Variants in CFAP91 observed in about 807,000 individuals in gnomAD.
The protein encoded by CFAP91 is cilia and flagella associated protein 91, also known as cilia- and flagella-associated protein 91.
A neutral mutation model predicts 95.9 loss-of-function variants in CFAP91; 85 were observed. The observed-to-expected ratio is 0.89, with a 90% CI of 0.74 to 1.06. The LOEUF is 1.06. Ranked by LOEUF, CFAP91 falls within the 50% of genes least tolerant of loss-of-function variation. CFAP91 has a pLI of 0.00. For missense variants in CFAP91, 962 were observed against 943.4 expected (o/e 1.02, Z -0.26); for synonymous variants, 335 against 327.5 (o/e 1.02, Z -0.25).
intron 17 of CFAP91, among the ~76,000 whole-genome samples, chr3:119,761,638 T>A (rs750684858): frequency 1.3e-5 from 2 of 151,822 alleles, no homozygotes; most frequent in Non-Finnish European, 3.0e-5. Context: ...GATCTTTCAC[T>A]ATGATCAAGT....
chr3:119,744,298 T>TACAG, intron 14 of CFAP91, 102 bp downstream of exon 14: 1 of 896,606 alleles, frequency 1.1e-6, no homozygotes, highest in Non-Finnish European at 1.7e-6. Context: ...TGTTTATGCA[T>TACAG]TGAGTTCCTA....
intron 17 of CFAP91, among the ~76,000 whole-genome samples, chr3:119,755,691 G>T (rs537249895): frequency 1.3e-5 from 2 of 152,216 alleles, no homozygotes; most frequent in Admixed American, 1.3e-4. Flanking sequence ...ATGGTATTTT[G>T]TTATGACAGC....
chr3:119,713,607 G>GT (rs1233466199), intron 5 of CFAP91, among the ~76,000 whole-genome samples: 2 of 151,142 alleles, frequency 1.3e-5, no homozygotes, highest in Admixed American at 6.6e-5. Context: ...GGCTATATTG[G>GT]TTTTTTTCTT....
chr3:119,739,828 AT>A (rs996009970), intron 12 of CFAP91, among the ~76,000 whole-genome samples: 28 of 151,340 alleles, frequency 1.9e-4, no homozygotes, highest in Non-Finnish European at 2.8e-4. Flanking sequence ...ATGTTGTCTC[AT>A]TTTTTTTTCC....
chr3:119,732,082 C>T (rs2053909012), intron 8 of CFAP91, among the ~76,000 whole-genome samples: 1 of 152,204 alleles, frequency 6.6e-6, no homozygotes, highest in Admixed American at 6.5e-5. Flanking sequence ...GCTGATTCTG[C>T]TTCTGTCACT....
At chr3:119,751,121 A>G (rs767996554) in intron 17 of CFAP91, 23 bp downstream of exon 17, 13 of 1,574,386 alleles carry the variant, frequency 8.3e-6, no homozygotes, top group Admixed American at 1.9e-5. Context: ...TTCCACCAGG[A>G]AAAAAAGCAG....
At chr3:119,741,468 A>T (rs376015114) in intron 13 of CFAP91, among the ~76,000 whole-genome samples, 1 of 152,262 alleles carries the variant, frequency 6.6e-6, no homozygotes, top group African/African-American at 2.4e-5. Context: ...CTGTTTCATG[A>T]TATGTGGTGA....
In CFAP91 at chr3:119,751,109, T is replaced by A. The variant is rs769979784; in HGVS notation, c.*1+11T>A. 6.3e-7 allele frequency: 1 copy of A among 1,582,458 alleles called. No individual in the cohort carries two copies. The highest frequency in any genetic ancestry group is 8.6e-7 in the Non-Finnish European group (1 of 1,167,032). On this transcript the variant is annotated intron_variant, in intron 17 of 17. Coordinates refer to ENST00000273390, the MANE Select transcript of CFAP91 (RefSeq NM_033364.4). ...AGAACAACAGCTAAGGTGAGTTTGA[T>A]TTTCCACCAGGAAAAAAAGCAGAGA...
At chr3:119,746,493 C>A (rs544728941) in intron 14 of CFAP91, among the ~76,000 whole-genome samples, 1 of 152,262 alleles carries the variant, frequency 6.6e-6, no homozygotes, top group East Asian at 1.9e-4. Context: ...AGGTCGTAGG[C>A]CTTCTGGCAA....
chr3:119,760,801 G>C (rs966701426), intron 17 of CFAP91, among the ~76,000 whole-genome samples: 3 of 150,814 alleles, frequency 2.0e-5, no homozygotes, highest in African/African-American at 7.3e-5. Flanking sequence ...GAAATGAAAA[G>C]GGAAATTAAA....
At chr3:119,733,086 C>T (rs1022188035) in intron 9 of CFAP91, among the ~76,000 whole-genome samples, 12 of 152,176 alleles carry the variant, frequency 7.9e-5, no homozygotes, top group Admixed American at 7.8e-4. Context: ...CATTAATTTT[C>T]TGTTGATTAT....
At chr3:119,731,500 C>A (rs1481430788) in intron 8 of CFAP91, among the ~76,000 whole-genome samples, 3 of 152,124 alleles carry the variant, frequency 2.0e-5, no homozygotes, top group Non-Finnish European at 4.4e-5. Context: ...AATGATAGAT[C>A]TGACTAATTT....
intron 3 of CFAP91, 131 bp from the exon 4 acceptor site, chr3:119,708,459 AG>A (rs1417905509): frequency 4.9e-6 from 3 of 617,792 alleles, no homozygotes; most frequent in Non-Finnish European, 8.6e-6. Context: ...AGTCAAATGC[AG>A]GTTATGGAAG....
At chr3:119,722,489 A>G (rs1559753160) in intron 6 of CFAP91, among the ~76,000 whole-genome samples, 1 of 152,028 alleles carries the variant, frequency 6.6e-6, no homozygotes, top group Admixed American at 6.6e-5. Context: ...AAAAAATTAC[A>G]TTCATTTATT....
At chr3:119,749,291 G>T (rs903553711) in intron 16 of CFAP91, 3 of 152,150 alleles carry the variant, frequency 2.0e-5, no homozygotes, top group African/African-American at 7.2e-5. Context: ...GGGAGTCTGG[G>T]GCGGGAAGAT....
chr3:119,743,947 T>G (rs1456627766), intron 13 of CFAP91, 28 bp from the exon 14 acceptor site: 1 of 1,542,684 alleles, frequency 6.5e-7, no homozygotes, highest in Admixed American at 2.0e-5. Flanking sequence ...GGAATTTGTG[T>G]CCTTAAAGTT....
intron 17 of CFAP91, among the ~76,000 whole-genome samples, chr3:119,758,002 C>A (rs536507212): frequency 5.9e-5 from 9 of 152,220 alleles, no homozygotes; most frequent in South Asian, 4.1e-4. Context: ...ACCATTGACA[C>A]TTCTATAATT....
At chr3:119,755,807 A>G (rs1281092131) in intron 17 of CFAP91, among the ~76,000 whole-genome samples, 1 of 152,250 alleles carries the variant, frequency 6.6e-6, no homozygotes, top group East Asian at 1.9e-4. Context: ...GAAAATAGAA[A>G]TTCCAGAATT....
At chr3:119,745,436 T>C (rs1322535779) in intron 14 of CFAP91, among the ~76,000 whole-genome samples, 2 of 152,238 alleles carry the variant, frequency 1.3e-5, no homozygotes, top group Non-Finnish European at 2.9e-5. Flanking sequence ...AAATATAATC[T>C]GGTGTGCACA....
Sources: gnomAD v4.1 joint callset for allele counts (sites outside exome capture counted in the v4.1 genomes callset) on GRCh38, gnomAD v4.1.1 for gene constraint, MANE v1.5 for transcripts, NCBI Gene and HGNC (gene_info 2026-07-23, HGNC 2026-07-21) for gene names.